TMPRSS11F: variants seen among roughly 807,000 people sequenced by gnomAD.
The protein encoded by TMPRSS11F is transmembrane serine protease 11F.
A neutral mutation model predicts 60.2 loss-of-function variants in TMPRSS11F; 47 were observed. The observed-to-expected ratio is 0.78, with a 90% confidence interval of 0.62 to 1.00. The LOEUF (loss-of-function observed/expected upper bound fraction) is 1.00. TMPRSS11F is among the 50% of genes least tolerant of loss of function. The pLI, the probability that TMPRSS11F is intolerant of heterozygous loss-of-function variation, is 0.00. For synonymous variants in TMPRSS11F, 166 were observed against 167.3 expected, an observed-to-expected ratio of 0.99 and a Z score of 0.06; for missense variants, 519 against 522.9, an observed-to-expected ratio of 0.99 and a Z score of 0.07.
chr4:68,099,872 C>A (rs1013511328), intron 1 of TMPRSS11F, among the ~76,000 whole-genome samples: 2 of 152,074 alleles, frequency 1.3e-5, no homozygotes, highest in African/African-American at 2.4e-5. Context: ...GATGCCCACA[C>A]TTTAAAAGGG....
intron 5 of TMPRSS11F, among the ~76,000 whole-genome samples, chr4:68,071,001 A>G (rs766769002): frequency 6.6e-6 from 1 of 151,776 alleles, no homozygotes. Flanking sequence ...ATTGTATGTA[A>G]CCAACAATGC....
intron 1 of TMPRSS11F, among the ~76,000 whole-genome samples, chr4:68,114,288 G>A (rs1724468345): frequency 6.6e-6 from 1 of 151,502 alleles, no homozygotes; most frequent in Non-Finnish European, 1.5e-5. Flanking sequence ...CAGTAGAAAA[G>A]TCAATAGAAA....
At chr4:68,080,821 T>C (rs1723683821) in intron 3 of TMPRSS11F, 1 of 152,186 alleles carries the variant, frequency 6.6e-6, no homozygotes, top group Non-Finnish European at 1.5e-5. Flanking sequence ...TATACAAAAA[T>C]AAATTAATTG....
At chr4:68,106,883 T>C (rs532615689) in intron 1 of TMPRSS11F, among the ~76,000 whole-genome samples, 1 of 152,188 alleles carries the variant, frequency 6.6e-6, no homozygotes, top group Non-Finnish European at 1.5e-5. Flanking sequence ...TTGAAAACAT[T>C]TTTTAGACCT....
intron 3 of TMPRSS11F, among the ~76,000 whole-genome samples, chr4:68,090,005 A>C (rs1723890820): frequency 6.6e-6 from 1 of 152,140 alleles, no homozygotes; most frequent in Admixed American, 6.6e-5. Flanking sequence ...AGTTAAGGAG[A>C]TGGCTCACCC....
At chr4:68,080,461 T>C (rs1723674859) in intron 3 of TMPRSS11F, 1 of 152,226 alleles carries the variant, frequency 6.6e-6, no homozygotes, top group Non-Finnish European at 1.5e-5. Context: ...CTGATAACAG[T>C]TCACACCTGC....
chr4:68,087,904 G>T (rs1723848248), intron 3 of TMPRSS11F, among the ~76,000 whole-genome samples: 1 of 126,156 alleles, frequency 7.9e-6, no homozygotes, highest in Non-Finnish European at 1.6e-5. Flanking sequence ...AGAGTGTGAT[G>T]TTCCCCTTCC....
At chr4:68,111,606 G>C (rs1724411037) in intron 1 of TMPRSS11F, among the ~76,000 whole-genome samples, 1 of 152,110 alleles carries the variant, frequency 6.6e-6, no homozygotes, top group African/African-American at 2.4e-5. Context: ...TCATCAACTT[G>C]AAACTATAAT....
chr4:68,112,868 T>A (rs1724435166), intron 1 of TMPRSS11F, among the ~76,000 whole-genome samples: 1 of 152,182 alleles, frequency 6.6e-6, no homozygotes, highest in East Asian at 1.9e-4. Context: ...TCTATAGCAT[T>A]CTTCTCTATA....
At chr4:68,122,868 C>T (rs559447394) in intron 1 of TMPRSS11F, among the ~76,000 whole-genome samples, 11 of 152,292 alleles carry the variant, frequency 7.2e-5, no homozygotes, top group African/African-American at 2.6e-4. Flanking sequence ...GTTAGAATGA[C>T]GCTTTAGTCT....
chr4:68,083,923 A>G (rs1360175333), intron 3 of TMPRSS11F, among the ~76,000 whole-genome samples: 7 of 152,154 alleles, frequency 4.6e-5, no homozygotes, highest in African/African-American at 2.4e-5. Flanking sequence ...ATCCAATCCA[A>G]TGAGTCCAGT....
chr4:68,115,088 G>A (rs991354530), intron 1 of TMPRSS11F, among the ~76,000 whole-genome samples: 2 of 150,926 alleles, frequency 1.3e-5, no homozygotes, highest in Admixed American at 6.6e-5. Flanking sequence ...AGTGGCTCAC[G>A]CCTGTAATCC....
At chr4:68,088,538 C>A (rs1481053628) in intron 3 of TMPRSS11F, among the ~76,000 whole-genome samples, 4 of 152,048 alleles carry the variant, frequency 2.6e-5, no homozygotes, top group African/African-American at 9.6e-5. Flanking sequence ...CTGCACCAAG[C>A]GGACCTAACA....
chr4:68,110,019 G>A (rs1350456412), intron 1 of TMPRSS11F, among the ~76,000 whole-genome samples: 1 of 152,120 alleles, frequency 6.6e-6, no homozygotes, highest in African/African-American at 2.4e-5. Flanking sequence ...AGTAGCCTTG[G>A]GGGGAAATTC....
chr4:68,062,774 C>T lies in TMPRSS11F; in HGVS notation c.1015+1911G>A, dbSNP rs112182803. On this transcript the variant is annotated intron_variant, in intron 8 of 9. Transcript: ENST00000356291. ...AGTTTCCTTGTATACTGGATTTGGCCGCCCTCTGCGGATGGATATCTTGCA... is the reference window on the plus strand; with the variant it reads ...AGTTTCCTTGTATACTGGATTTGGCTGCCCTCTGCGGATGGATATCTTGCA... 1.8e-3 allele frequency: 1,309 copies of T among 743,852 alleles called. 13 individuals are homozygous for T. In the African/African-American group the frequency reaches 0.018, roughly 10 times the overall value. The allele number at this position is 743,852 out of a possible 1,614,324, so 46.1% of individuals were successfully genotyped here.
chr4:68,070,899 G>A (rs1009199709), intron 5 of TMPRSS11F, among the ~76,000 whole-genome samples: 2 of 152,158 alleles, frequency 1.3e-5, no homozygotes, highest in African/African-American at 4.8e-5. Flanking sequence ...GTATGTGGCA[G>A]AAGAAAACAT....
At chr4:68,084,242 A>G (rs1453302091) in intron 3 of TMPRSS11F, among the ~76,000 whole-genome samples, 1 of 152,200 alleles carries the variant, frequency 6.6e-6, no homozygotes, top group Non-Finnish European at 1.5e-5. Context: ...TGCAAAACAT[A>G]TTTAAGCATA....
At position 68,090,545 on chromosome 4, in the gene TMPRSS11F, C is replaced by T. The variant is rs771055158; in HGVS notation, c.260G>A (p.Arg87Lys). The change falls in exon 3 of 10, where the codon AGG (arginine) becomes AAG (lysine). Residue 87 changes from arginine to lysine, a missense_variant. By Grantham distance (26) the Arg-to-Lys change is conservative (BLOSUM62 2). Transcript: ENST00000356291. ...TACCATTCTTTCAATCTGATGACTC[C>T]TTTCTATAAACTCTCTTGAAGATCT... ...GIRSSREFIE[R>K]SHQIERMMSR... 2.5e-6 allele frequency: 4 copies of T among 1,593,310 alleles called. No homozygotes were observed. The highest frequency in any genetic ancestry group is 3.4e-6 in the Non-Finnish European group (4 of 1,170,576).
intron 2 of TMPRSS11F, among the ~76,000 whole-genome samples, chr4:68,094,411 A>C (rs1269436101): frequency 1.3e-5 from 1 of 79,518 alleles, no homozygotes; most frequent in Non-Finnish European, 2.3e-5. Flanking sequence ...GGGTGGGGGG[A>C]GGGGGGAGGG....
Sources: allele counts gnomAD v4.1 joint callset (sites outside exome capture counted in the v4.1 genomes callset), GRCh38; gene constraint gnomAD v4.1.1; transcripts MANE v1.5; gene names NCBI Gene and HGNC (gene_info 2026-07-23, HGNC 2026-07-21).